The following PHTF2 variants were observed in gnomAD, a reference collection of about 807,000 sequenced individuals.
PHTF2 encodes putative homeodomain transcription factor 2.
A neutral mutation model predicts 101.2 loss-of-function variants in PHTF2; 60 were observed. The observed-to-expected ratio is 0.59, with a 90% confidence interval of 0.48 to 0.73. The LOEUF is 0.73. PHTF2 is among the 30% of genes least tolerant of loss of function. PHTF2 has a pLI of 0.00. For missense variants in PHTF2, 747 were observed against 908.7 expected (o/e 0.82, Z 2.29); for synonymous variants, 311 against 307.3 (o/e 1.01, Z -0.13).
rs550314947 is a variant in PHTF2, at chr7:77,893,199, G to A, written c.148-409G>A. On this transcript the variant is annotated intron_variant, in intron 3 of 19. Coordinates refer to ENST00000416283, the Ensembl canonical transcript of PHTF2. ...GTGTATAGGTTATTTCATCACCTGG[G>A]TACTAAGCATAGTACCTGATAGTTT... 5.9e-5 allele frequency among the ~76,000 whole-genome samples: 9 copies of A among 152,174 alleles called. No individual in the cohort carries two copies. In the South Asian group the frequency reaches 1.2e-3, roughly 21 times the overall value.
At chr7:77,912,850 A>G (rs2150879389) in intron 9 of PHTF2, among the ~76,000 whole-genome samples, 1 of 149,760 alleles carries the variant, frequency 6.7e-6, no homozygotes, top group East Asian at 2.0e-4. Flanking sequence ...CTCCCACTTC[A>G]GACTCTCAAG....
intron 3 of PHTF2, among the ~76,000 whole-genome samples, chr7:77,886,322 A>G (rs533537603): frequency 2.6e-5 from 4 of 152,314 alleles, no homozygotes; most frequent in East Asian, 1.9e-4. Context: ...CTAATTATCT[A>G]GGTTTTAACA....
chr7:77,830,305 G>A (rs1794981718), intron 1 of PHTF2, among the ~76,000 whole-genome samples: 1 of 152,120 alleles, frequency 6.6e-6, no homozygotes, highest in South Asian at 2.1e-4. Flanking sequence ...TTTTTTTCCT[G>A]TATATACATA....
chr7:77,930,239 C>A (rs1003576278), intron 12 of PHTF2, among the ~76,000 whole-genome samples: 3 of 151,972 alleles, frequency 2.0e-5, no homozygotes, highest in Non-Finnish European at 4.4e-5. Flanking sequence ...CAGGCATAAG[C>A]CACCCTGCCC....
At chr7:77,955,647 T>A (rs1489452260) in exon 20 of PHTF2, 1 of 152,600 alleles carries the variant, frequency 6.6e-6, no homozygotes, top group East Asian at 1.9e-4. Flanking sequence ...TCTGTTATAG[T>A]ATACTAGGGC....
chr7:77,863,787 G>GTTT (rs368245678), intron 3 of PHTF2, among the ~76,000 whole-genome samples: 23 of 132,150 alleles, frequency 1.7e-4, no homozygotes, highest in African/African-American at 4.2e-4. Context: ...GTTTTGTTTT[G>GTTT]TTTTTTTTTT....
intron 11 of PHTF2, chr7:77,924,155 T>G (rs1038701335): frequency 2.1e-6 from 2 of 951,166 alleles, no homozygotes; most frequent in African/African-American, 3.5e-5. Context: ...AAATAAAGCC[T>G]CCTTTGAATA....
intron 3 of PHTF2, among the ~76,000 whole-genome samples, chr7:77,884,064 G>A (rs1161636943): frequency 6.6e-6 from 1 of 152,148 alleles, no homozygotes; most frequent in East Asian, 1.9e-4. Context: ...AGTTATGGTG[G>A]AGGTAGGATA....
chr7:77,814,573 G>A (rs149835846), intron 1 of PHTF2, among the ~76,000 whole-genome samples: 5 of 150,154 alleles, frequency 3.3e-5, no homozygotes, highest in Admixed American at 1.3e-4. Flanking sequence ...GTGCAGTGGC[G>A]CAATCTCAGC....
chr7:77,836,760 T>C (rs760767359), intron 1 of PHTF2, among the ~76,000 whole-genome samples: 6 of 151,134 alleles, frequency 4.0e-5, no homozygotes, highest in African/African-American at 9.8e-5. Context: ...TAAGTGGGAG[T>C]TGAACAGTAA....
In PHTF2 at chr7:77,940,210, C is replaced by T. The variant is rs377318256; in HGVS notation, c.1648C>T (p.Leu550Phe). The T allele has an allele frequency of 5.0e-6, 8 of 1,613,414 alleles. No individual in the cohort carries two copies. Among genetic ancestry groups the T allele is most frequent in the Non-Finnish European group, 5.9e-6 (7 of 1,179,600 alleles). Residue 550 changes from leucine to phenylalanine, a missense_variant, in exon 14 of 20, where the codon CTT (leucine) becomes TTT (phenylalanine). Leu to Phe is a conservative substitution (Grantham distance 22). Transcript: ENST00000416283. ...TGGTTCTAATGAAGATGTCATAGTT[C>T]TTTCTATGGTTATAATAAGTTTTGT...
intron 18 of PHTF2, 58 bp downstream of exon 17, chr7:77,951,770 A>AT (rs1806569178): frequency 4.0e-6 from 3 of 751,652 alleles, no homozygotes; most frequent in Non-Finnish European, 4.3e-6. Flanking sequence ...ACATAATTTT[A>AT]TTTTTTTGTT....
At chr7:77,860,529 A>T (rs560604975) in intron 3 of PHTF2, among the ~76,000 whole-genome samples, 2 of 152,256 alleles carry the variant, frequency 1.3e-5, no homozygotes, top group South Asian at 4.1e-4. Flanking sequence ...TAATATTGAG[A>T]TAAGAATCCT....
At chr7:77,814,681 T>G in intron 1 of PHTF2, among the ~76,000 whole-genome samples, 1 of 151,978 alleles carries the variant, frequency 6.6e-6, no homozygotes, top group East Asian at 1.9e-4. Flanking sequence ...CCAGCTAATT[T>G]TTGTATTTTT....
At position 77,882,500 on chromosome 7, in the gene PHTF2, T is replaced by C. The variant is rs1799502203; in HGVS notation, c.148-11108T>C. Among the ~76,000 whole-genome samples, 3 of 152,194 alleles carry C rather than the reference T, an allele frequency of 2.0e-5. 1 individual carries two copies. In the South Asian group the frequency reaches 6.2e-4, roughly 32 times the overall value. On this transcript the variant is annotated intron_variant, in intron 3 of 19. Coordinates refer to ENST00000416283, the Ensembl canonical transcript of PHTF2. ...TGGTTAAAGCAAAGAGATTTGCAAG[T>C]GGTTGCAGAGCAAACTCTTTGCTTA...
chr7:77,922,504 G>A (rs1220461029), intron 10 of PHTF2, 119 bp from the exon 10 acceptor site: 16 of 617,398 alleles, frequency 2.6e-5, no homozygotes, highest in Admixed American at 7.1e-5. Context: ...CTTTGTGGTA[G>A]TTGAGGATAT....
At chr7:77,895,104 G>C in intron 5 of PHTF2, 1 of 451,770 alleles carries the variant, frequency 2.2e-6, no homozygotes, top group South Asian at 1.6e-5. Context: ...TGGAAGAAGA[G>C]CACATTTAGA....
In PHTF2 at chr7:77,957,133, G is replaced by A. The variant is rs183245975; in HGVS notation, c.*2255G>A. ...GAAATGGCAGTTCAAAGAGAATTGT[G>A]GCAGATGTTGTGTGTGAACTGTTGT... is the stretch of plus-strand genomic sequence containing the variant. On this transcript the variant is annotated 3_prime_UTR_variant, in exon 20 of 20. Coordinates refer to ENST00000416283, the Ensembl canonical transcript of PHTF2. 3.4e-4 allele frequency: 51 copies of A among 152,158 alleles called. No individual in the cohort carries two copies. In the East Asian group the frequency reaches 7.3e-3, roughly 22 times the overall value. The allele number at this position is 152,158 out of a possible 1,614,324, so 9.4% of individuals were successfully genotyped here. A position where few individuals can be genotyped will look rare whatever the true frequency, so the allele number is the denominator to read the frequency against.
chr7:77,951,936 T>C (rs1352053498), intron 18 of PHTF2, among the ~76,000 whole-genome samples: 1 of 152,138 alleles, frequency 6.6e-6, no homozygotes, highest in Non-Finnish European at 1.5e-5. Flanking sequence ...AATAATAATA[T>C]GTCTGGAGTA....
Sources: allele counts gnomAD v4.1 joint callset (sites outside exome capture counted in the v4.1 genomes callset), GRCh38; gene constraint gnomAD v4.1.1; transcripts MANE v1.5; gene names NCBI Gene and HGNC (gene_info 2026-07-23, HGNC 2026-07-21).